ZNF248: variants seen among roughly 807,000 people sequenced by gnomAD.
ZNF248 encodes zinc finger protein 248, also known as KRAB protein domain.
Under a neutral mutation model 44.3 loss-of-function variants are expected in ZNF248, and 20 were observed. The ratio of observed to expected loss-of-function variants is 0.45; its 90% CI spans 0.32 to 0.66. The LOEUF is 0.66. ZNF248 is among the 30% of genes least tolerant of loss of function. ZNF248 has a pLI of 0.04. For synonymous variants in ZNF248, 224 were observed against 229.0 expected (o/e 0.98, Z 0.20); for missense variants, 654 against 677.0 (o/e 0.97, Z 0.38).
At chr10:37,809,120 T>C (rs191872614) in intron 6 of ZNF248, among the ~76,000 whole-genome samples, 1 of 152,210 alleles carries the variant, frequency 6.6e-6, no homozygotes. Context: ...ATTTTCTTAG[T>C]CTAGTTAGCT....
chr10:37,832,913 T>G lies in ZNF248; in HGVS notation c.442A>C (p.Lys148Gln). The change falls in exon 6 of 6, where the codon AAA becomes CAA. Residue 148 changes from lysine to glutamine, a missense_variant. By Grantham distance (53) the Lys-to-Gln change is moderately conservative (BLOSUM62 1). Coordinates refer to ENST00000395867, the MANE Select transcript of ZNF248 (RefSeq NM_021045.3). ...CTAATAATTAAGCCCGAAATATTTT[T>G]CAAATTCATTTCACATGAGTCACAT... The part of the protein sequence containing the change: ...KICDSCEMNL[K>Q]NISGLIISKK... 6.2e-7 allele frequency: 1 copy of G among 1,613,224 alleles called. No individual in the cohort carries two copies. Among genetic ancestry groups the G allele is most frequent in the Non-Finnish European group, 8.5e-7 (1 of 1,179,664 alleles).
Position 37,830,423 on chromosome 10 carries a change from AC to A in ZNF248, c.*1191del, listed in dbSNP as rs1373962271. 1 of 985,400 alleles carries A rather than the reference AC, an allele frequency of 1.0e-6. No individual in the cohort carries two copies. The allele number at this position is 985,400 out of a possible 1,614,324, so 61.0% of individuals were successfully genotyped here. On this transcript the variant is annotated 3_prime_UTR_variant, in exon 6 of 6. Transcript: ENST00000395867. ...TTTCACTAAAAACATATACTGGCCAACCTACAAAGAGACTCCGGTAGTATTT... is the reference window on the plus strand; with the variant it reads ...TTTCACTAAAAACATATACTGGCCAACTACAAAGAGACTCCGGTAGTATTT...
At chr10:37,850,677 A>G (rs1007730476) in intron 3 of ZNF248, among the ~76,000 whole-genome samples, 2 of 152,192 alleles carry the variant, frequency 1.3e-5, no homozygotes, top group African/African-American at 4.8e-5. Context: ...AAAGGTACAA[A>G]AGGAGTTCAG....
At chr10:37,792,418 G>A (rs1036145217) in intron 6 of ZNF248, among the ~76,000 whole-genome samples, 2 of 152,172 alleles carry the variant, frequency 1.3e-5, no homozygotes, top group African/African-American at 4.8e-5. Flanking sequence ...CCTTCCTTTT[G>A]GAAGACTAGA....
At chr10:37,804,172 T>G (rs1295034867) in intron 6 of ZNF248, among the ~76,000 whole-genome samples, 1 of 149,216 alleles carries the variant, frequency 6.7e-6, no homozygotes, top group Non-Finnish European at 1.5e-5. Flanking sequence ...TGGCGTGATC[T>G]CGGCTCACTG....
chr10:37,822,751 T>TA lies in ZNF248; in HGVS notation c.330+10273dup, dbSNP rs559910048. Among the ~76,000 whole-genome samples the TA allele has an allele frequency of 2.4e-4, 36 of 152,016 alleles. No homozygotes were observed. In the East Asian group the frequency reaches 6.2e-3, roughly 26 times the overall value. ...TTAACACTAACGATAGGTGATGAGC[T>TA]AAAAAAAGTAAAAATAACACAAAAA... On this transcript the variant is annotated intron_variant, in intron 6 of 6. Coordinates refer to the ZNF248 transcript ENST00000615949.
chr10:37,846,887 C>T (rs574884155), intron 3 of ZNF248, among the ~76,000 whole-genome samples: 2 of 152,206 alleles, frequency 1.3e-5, no homozygotes, highest in East Asian at 1.9e-4. Context: ...GAAACATACA[C>T]CTCACAAAGT....
At chr10:37,854,152 G>C (rs1322149402) in intron 3 of ZNF248, among the ~76,000 whole-genome samples, 4 of 152,108 alleles carry the variant, frequency 2.6e-5, no homozygotes, top group African/African-American at 9.7e-5. Flanking sequence ...TAGAATACAT[G>C]GGCAGATTCT....
intron 3 of ZNF248, among the ~76,000 whole-genome samples, chr10:37,842,204 T>C (rs1034256377): frequency 2.6e-5 from 4 of 152,086 alleles, no homozygotes; most frequent in African/African-American, 7.2e-5. Context: ...GCAGAAAGTT[T>C]ATATAATAAG....
At chr10:37,771,232 G>C in the ZNF248 span, among the ~76,000 whole-genome samples, 1 of 152,182 alleles carries the variant, frequency 6.6e-6, no homozygotes, top group African/African-American at 2.4e-5. Context: ...CAGGGATCTA[G>C]AACTAGAAAT....
At chr10:37,813,635 T>C (rs530764481) in intron 6 of ZNF248, among the ~76,000 whole-genome samples, 2 of 152,306 alleles carry the variant, frequency 1.3e-5, no homozygotes, top group South Asian at 2.1e-4. Context: ...TCTAAGAATA[T>C]AGTATATAAT....
intron 6 of ZNF248, among the ~76,000 whole-genome samples, chr10:37,809,635 T>C (rs1377521871): frequency 6.6e-6 from 1 of 152,128 alleles, no homozygotes; most frequent in Non-Finnish European, 1.5e-5. Context: ...TGATTTGAGA[T>C]TTTTCTTCTT....
chr10:37,828,897 G>C lies in ZNF248; in HGVS notation c.*2718C>G. On this transcript the variant is annotated 3_prime_UTR_variant, in exon 6 of 6. Coordinates refer to ENST00000395867, the MANE Select transcript of ZNF248 (RefSeq NM_021045.3). ...TCTGCTTCACACATGTTGAAGGAGA[G>C]ACATACCTGTGTAGTTCCAAAGGGA... 2 of 985,390 alleles carry C rather than the reference G, an allele frequency of 2.0e-6. No homozygotes were observed. The highest frequency in any genetic ancestry group is 1.7e-5 in the African/African-American group (1 of 57,338). The allele number at this position is 985,390 out of a possible 1,614,324, so 61.0% of individuals were successfully genotyped here.
rs2061528746 is a variant in ZNF248 at position 37,857,602 on chromosome 10, C to CGCAGCCCCGCCTCCTCCCCGCGG, written c.-544_-543insCCGCGGGGAGGAGGCGGGGCTGC. The stretch of plus-strand genomic sequence containing the variant: ...CGGACCTGGCGCAGTCGCTCTCCCC[C>CGCAGCCCCGCCTCCTCCCCGCGG]GCAGCCCCGCCTCCTCCCCGCGGGC... On this transcript the variant is annotated 5_prime_UTR_variant, in exon 1 of 6. Transcript: ENST00000395867. The CGCAGCCCCGCCTCCTCCCCGCGG allele has an allele frequency of 6.6e-6, 1 of 152,362 alleles. No homozygotes were observed. Among genetic ancestry groups the CGCAGCCCCGCCTCCTCCCCGCGG allele is most frequent in the Non-Finnish European group, 1.5e-5 (1 of 68,130 alleles). The allele number at this position is 152,362 out of a possible 1,614,324, so 9.4% of individuals were successfully genotyped here. A position where few individuals can be genotyped will look rare whatever the true frequency, so the allele number is the denominator to read the frequency against.
the ZNF248 span, among the ~76,000 whole-genome samples, chr10:37,762,790 G>C: frequency 6.6e-6 from 1 of 152,168 alleles, no homozygotes; most frequent in South Asian, 2.1e-4. Flanking sequence ...GACATTTCAA[G>C]ATATTGAAAT....
the ZNF248 span, among the ~76,000 whole-genome samples, chr10:37,762,052 C>T: frequency 6.6e-6 from 1 of 152,186 alleles, no homozygotes; most frequent in African/African-American, 2.4e-5. Flanking sequence ...ATTGTATTGT[C>T]TCAAATCTCA....
At chr10:37,839,896 T>C (rs2058021848) in intron 3 of ZNF248, among the ~76,000 whole-genome samples, 1 of 152,226 alleles carries the variant, frequency 6.6e-6, no homozygotes, top group South Asian at 2.1e-4. Flanking sequence ...CGTGTTCACA[T>C]GTAACATTCA....
At chr10:37,775,516 A>C (rs1344814473), downstream of ZNF248, 1 of 152,114 alleles carries the variant, frequency 6.6e-6, no homozygotes, top group Non-Finnish European at 1.5e-5. Context: ...CGTCTATGGG[A>C]AAAAGTTTCT....
intron 6 of ZNF248, among the ~76,000 whole-genome samples, chr10:37,778,044 T>C (rs1206923963): frequency 6.6e-6 from 1 of 152,194 alleles, no homozygotes; most frequent in Non-Finnish European, 1.5e-5. Flanking sequence ...CCTTTGGGTA[T>C]ATACCCAGTA....
Sources: gnomAD v4.1 joint callset for allele counts (sites outside exome capture counted in the v4.1 genomes callset) on GRCh38, gnomAD v4.1.1 for gene constraint, MANE v1.5 for transcripts, NCBI Gene and HGNC (gene_info 2026-07-23, HGNC 2026-07-21) for gene names.